ACVR1C: variants seen among roughly 807,000 people sequenced by gnomAD.
ACVR1C encodes activin receptor type-1C.
A neutral mutation model predicts 57.9 loss-of-function variants in ACVR1C; 23 were observed. That is an observed-to-expected ratio of 0.40 (90% CI 0.29 to 0.56). The LOEUF (loss-of-function observed/expected upper bound fraction) is 0.56, where lower values mean the gene tolerates loss of function less well. ACVR1C is among the 20% of genes least tolerant of loss of function. The probability of loss-of-function intolerance (pLI) is 0.50; values close to 1 mark genes in which losing one functional copy is unlikely to be tolerated. For missense variants in ACVR1C, 480 were observed against 607.9 expected, an observed-to-expected ratio of 0.79 and a Z score of 2.21; for synonymous variants, 214 against 215.3, an observed-to-expected ratio of 0.99 and a Z score of 0.05.
At chr2:157,572,366 TA>T (rs35364996) in intron 2 of ACVR1C, among the ~76,000 whole-genome samples, 2,817 of 126,564 alleles carry the variant, frequency 0.022, 97 homozygotes, top group African/African-American at 0.076. Context: ...TAGAGTATAA[TA>T]AAAAAAAAAA....
Position 157,628,631 on chromosome 2 carries a change from A to G in ACVR1C, c.14T>C (p.Leu5Pro). MTRA[L>P]CSALRQALLL... Reference sequence around the variant, plus strand: ...GAGAGCCTGGCGGAGCGCTGAGCAGAGCGCCCGGGTCATCGCCACCAGGCG... The same window carrying G: ...GAGAGCCTGGCGGAGCGCTGAGCAGGGCGCCCGGGTCATCGCCACCAGGCG... The change falls in exon 1 of 9, where the codon CTC becomes CCC. Residue 5 changes from leucine (L) to proline (P), a missense_variant. Coordinates refer to ENST00000243349, the MANE Select transcript of ACVR1C (RefSeq NM_145259.3). 1 of 1,589,060 alleles carries G rather than the reference A, an allele frequency of 6.3e-7. No individual in the cohort carries two copies. The highest frequency in any genetic ancestry group is 8.6e-7 in the Non-Finnish European group (1 of 1,169,076).
chr2:157,625,164 T>G (rs1374505699), intron 1 of ACVR1C, among the ~76,000 whole-genome samples: 1 of 152,168 alleles, frequency 6.6e-6, no homozygotes, highest in Non-Finnish European at 1.5e-5. Flanking sequence ...CATTTTGAAC[T>G]CAACATATTC....
intron 4 of ACVR1C, among the ~76,000 whole-genome samples, chr2:157,547,353 A>C: frequency 1.4e-5 from 1 of 73,328 alleles, no homozygotes; most frequent in African/African-American, 3.9e-5. Flanking sequence ...TGGCTGGGTC[A>C]AATGGTATTT....
intron 2 of ACVR1C, among the ~76,000 whole-genome samples, chr2:157,566,594 G>A (rs1688389166): frequency 6.6e-6 from 1 of 152,120 alleles, no homozygotes; most frequent in Non-Finnish European, 1.5e-5. Context: ...CAAAGAAAGG[G>A]GTGATGGACG....
intron 3 of ACVR1C, among the ~76,000 whole-genome samples, chr2:157,555,331 G>A (rs1688074413): frequency 6.6e-6 from 1 of 151,612 alleles, no homozygotes; most frequent in South Asian, 2.1e-4. Flanking sequence ...TTGTTAGCCA[G>A]GATGGTCTCG....
chr2:157,605,866 CT>C (rs1682380545), intron 1 of ACVR1C, among the ~76,000 whole-genome samples: 1 of 151,604 alleles, frequency 6.6e-6, no homozygotes, highest in African/African-American at 2.4e-5. Flanking sequence ...TACAGTGCCC[CT>C]AATCTGCTAT....
At chr2:157,617,727 G>A (rs940508926) in intron 1 of ACVR1C, among the ~76,000 whole-genome samples, 3 of 151,910 alleles carry the variant, frequency 2.0e-5, no homozygotes, top group African/African-American at 7.2e-5. Context: ...AATTTACTTG[G>A]AGATGCATCA....
chr2:157,581,421 A>C (rs771655778), intron 2 of ACVR1C, among the ~76,000 whole-genome samples: 4 of 152,104 alleles, frequency 2.6e-5, no homozygotes, highest in Non-Finnish European at 4.4e-5. Flanking sequence ...TGTGAGGAGA[A>C]TTGAGGGGGA....
Position 157,587,352 on chromosome 2 carries a change from A to G in ACVR1C, c.139T>C (p.Trp47Arg). 2.5e-6 allele frequency: 4 copies of G among 1,613,676 alleles called. No homozygotes were observed. Among genetic ancestry groups the G allele is most frequent in the Non-Finnish European group, 3.4e-6 (4 of 1,179,630 alleles). ...NFTCQTEGAC[W>R]ASVMLTNGKE... Reference sequence around the variant, plus strand: ...CCATTGGTTAGCATGACTGATGCCCAACATGCTCCTTCTGTTTGGCAGGTG... The same window carrying G: ...CCATTGGTTAGCATGACTGATGCCCGACATGCTCCTTCTGTTTGGCAGGTG... The change falls in exon 2 of 9, where the codon TGG becomes CGG. Residue 47 changes from tryptophan (W) to arginine (R), a missense_variant. By Grantham distance (101) the Trp-to-Arg change is moderately radical (BLOSUM62 -3). Transcript: ENST00000243349.
chr2:157,540,928 G>A (rs771221989), intron 7 of ACVR1C, among the ~76,000 whole-genome samples, 162 bp downstream of exon 7: 9 of 152,236 alleles, frequency 5.9e-5, no homozygotes, highest in Admixed American at 5.2e-4. Flanking sequence ...TTACATGCAA[G>A]ATATCCCACT....
intron 2 of ACVR1C, among the ~76,000 whole-genome samples, chr2:157,582,127 G>C (rs1195223399): frequency 1.3e-5 from 2 of 152,140 alleles, no homozygotes; most frequent in African/African-American, 2.4e-5. Context: ...AGATACGCCT[G>C]TGCAACATTG....
intron 2 of ACVR1C, among the ~76,000 whole-genome samples, chr2:157,563,101 T>TA (rs1415819193): frequency 6.6e-6 from 1 of 152,184 alleles, no homozygotes; most frequent in African/African-American, 2.4e-5. Flanking sequence ...TTGAACATAG[T>TA]ATTGGAAGTT....
intron 6 of ACVR1C, 62 bp from the exon 7 acceptor site, chr2:157,541,276 C>A: frequency 6.6e-7 from 1 of 1,523,972 alleles, no homozygotes; most frequent in South Asian, 1.3e-5. Context: ...GTAAAACAAT[C>A]TTAATAAATT....
intron 3 of ACVR1C, among the ~76,000 whole-genome samples, chr2:157,551,615 C>T (rs1276450811): frequency 6.6e-6 from 1 of 152,098 alleles, no homozygotes; most frequent in Non-Finnish European, 1.5e-5. Context: ...TTATGATAGT[C>T]TTCTTTCTAA....
At chr2:157,595,654 G>A (rs947573047) in intron 1 of ACVR1C, among the ~76,000 whole-genome samples, 1 of 152,138 alleles carries the variant, frequency 6.6e-6, no homozygotes, top group Non-Finnish European at 1.5e-5. Context: ...TTAGAATAAA[G>A]CAAAATCCAC....
At chr2:157,551,485 C>T (rs1380185120) in intron 3 of ACVR1C, among the ~76,000 whole-genome samples, 1 of 152,080 alleles carries the variant, frequency 6.6e-6, no homozygotes, top group Admixed American at 6.5e-5. Context: ...CAGCATAGTA[C>T]ATTTTATTCT....
In ACVR1C at chr2:157,589,886, C is replaced by A. The variant is rs766202935; in HGVS notation, c.74-2469G>T. Among the ~76,000 whole-genome samples the A allele has an allele frequency of 1.0e-3, 153 of 151,872 alleles. 3 individuals carry two copies. Among genetic ancestry groups the A allele is most frequent in the Admixed American group, 9.9e-4 (15 of 15,208 alleles). ...ATCCAGAAATAAAGCTACATACTTA[C>A]AACCAACTGATCTCCGACAAAGCAC... On this transcript the variant is annotated intron_variant, in intron 1 of 8. Transcript: ENST00000243349.
chr2:157,539,212 A>G (rs2105204108), intron 7 of ACVR1C, among the ~76,000 whole-genome samples: 1 of 152,200 alleles, frequency 6.6e-6, no homozygotes, highest in South Asian at 2.1e-4. Context: ...CTCTCTTTGA[A>G]AACTTTTAGG....
intron 4 of ACVR1C, among the ~76,000 whole-genome samples, chr2:157,549,533 A>C (rs1687859470): frequency 6.6e-6 from 1 of 152,162 alleles, no homozygotes. Context: ...TTCCTGCACC[A>C]AACCAGTCAG....
Sources: gnomAD v4.1 joint callset for allele counts (sites outside exome capture counted in the v4.1 genomes callset) on GRCh38, gnomAD v4.1.1 for gene constraint, MANE v1.5 for transcripts, NCBI Gene and HGNC (gene_info 2026-07-23, HGNC 2026-07-21) for gene names.